The following CSMD1 variants were observed in gnomAD, a reference collection of about 807,000 sequenced individuals.
CSMD1 encodes the protein CUB and Sushi multiple domains 1.
Under a neutral mutation model 417.5 loss-of-function variants are expected in CSMD1, and 213 were observed. That is an observed-to-expected ratio of 0.51 (90% confidence interval 0.46 to 0.57). The LOEUF (loss-of-function observed/expected upper bound fraction) is 0.57, where lower values mean the gene tolerates loss of function less well. Ranked by LOEUF, CSMD1 falls within the 20% of genes least tolerant of loss-of-function variation. The pLI is 0.00. For missense variants in CSMD1, 6,923 were observed against 4,529.7 expected (o/e 1.53, Z -15.17); for synonymous variants, 2,862 against 1,736.8 (o/e 1.65, Z -16.11).
chr8:3,577,641 G>A lies in CSMD1; in HGVS notation c.1223-2575C>T, dbSNP rs144691119. On this transcript the variant is annotated intron_variant, in intron 9 of 69. Transcript: ENST00000635120. ...ATATTAGCATAGCTTCTGAATAGGT[G>A]TAACAGCCTTAAGTCACATAACCTA... Among the ~76,000 whole-genome samples, 542 of 152,272 alleles carry A rather than the reference G, an allele frequency of 3.6e-3. 6 individuals carry two copies. The highest frequency in any genetic ancestry group is 0.014 in the East Asian group (70 of 5,176).
At chr8:3,848,841 G>A (rs1326206335) in intron 5 of CSMD1, among the ~76,000 whole-genome samples, 1 of 151,816 alleles carries the variant, frequency 6.6e-6, no homozygotes, top group Non-Finnish European at 1.5e-5. Context: ...ATGAAAGGAT[G>A]TTTATAAAGC....
intron 3 of CSMD1, among the ~76,000 whole-genome samples, chr8:4,175,785 A>G (rs1257934646): frequency 2.6e-5 from 4 of 152,214 alleles, no homozygotes; most frequent in African/African-American, 4.8e-5. Context: ...CATGAATACT[A>G]TGATGATCAT....
intron 5 of CSMD1, among the ~76,000 whole-genome samples, chr8:3,853,008 C>G (rs958551751): frequency 3.3e-5 from 5 of 152,136 alleles, no homozygotes; most frequent in Non-Finnish European, 5.9e-5. Context: ...GACATCACCT[C>G]GTCCCCAACA....
At chr8:4,529,207 C>T (rs1796672062) in intron 2 of CSMD1, among the ~76,000 whole-genome samples, 1 of 152,144 alleles carries the variant, frequency 6.6e-6, no homozygotes, top group Non-Finnish European at 1.5e-5. Context: ...AAACTCTTAT[C>T]AGGACAATAT....
chr8:3,279,768 G>T (rs544693297), intron 26 of CSMD1, among the ~76,000 whole-genome samples: 1 of 152,094 alleles, frequency 6.6e-6, no homozygotes, highest in Non-Finnish European at 1.5e-5. Context: ...GTGTTAGAAA[G>T]GAGAAGTGCA....
intron 33 of CSMD1, among the ~76,000 whole-genome samples, chr8:3,191,369 T>A (rs546843498): frequency 3.2e-4 from 49 of 152,196 alleles, no homozygotes; most frequent in African/African-American, 7.7e-4. Context: ...GGCAGGATAA[T>A]CGCTTCACCC....
At chr8:3,281,771 T>C (rs1304313896) in intron 26 of CSMD1, among the ~76,000 whole-genome samples, 2 of 152,186 alleles carry the variant, frequency 1.3e-5, no homozygotes, top group Non-Finnish European at 2.9e-5. Flanking sequence ...TCCAAACTCA[T>C]TGATATGGTT....
chr8:4,231,211 C>G (rs1401141238), intron 3 of CSMD1, among the ~76,000 whole-genome samples: 2 of 152,136 alleles, frequency 1.3e-5, no homozygotes, highest in Non-Finnish European at 2.9e-5. Flanking sequence ...AAATGAAAGG[C>G]ATTGTCTTAT....
rs113305310 is a variant in CSMD1, at chr8:4,506,333, G to C, written c.303-86268C>G. Among the ~76,000 whole-genome samples the C allele has an allele frequency of 2.0e-5, 3 of 152,030 alleles. No homozygotes were observed. In the East Asian group the frequency reaches 5.8e-4, roughly 29 times the overall value. On this transcript the variant is annotated intron_variant, in intron 2 of 69. Transcript: ENST00000635120. ...GTACCAGCTACCCACTGAAACCCAC[G>C]GTGGGTTAGACCGTAGCACCCAGAC... is the stretch of plus-strand genomic sequence containing the variant.
At chr8:4,975,386 C>G (rs1810490385) in intron 1 of CSMD1, among the ~76,000 whole-genome samples, 1 of 152,228 alleles carries the variant, frequency 6.6e-6, no homozygotes, top group Non-Finnish European at 1.5e-5. Context: ...ATTCCTTTTA[C>G]TTCCTGGCTG....
chr8:3,108,308 C>T (rs1189036556), intron 44 of CSMD1, among the ~76,000 whole-genome samples: 1 of 152,112 alleles, frequency 6.6e-6, no homozygotes, highest in Non-Finnish European at 1.5e-5. Flanking sequence ...TATCTTGAGA[C>T]AGGGATGAGT....
chr8:4,160,107 T>A lies in CSMD1; in HGVS notation c.416-128008A>T, dbSNP rs926673308. ...ATTTAAAAAAAAAAAGAAAAAGCAC[T>A]GAGGACATTAAAAAATAACGTCTTA... On this transcript the variant is annotated intron_variant, in intron 3 of 69. Coordinates refer to ENST00000635120, the MANE Select transcript of CSMD1 (RefSeq NM_033225.6). Among the ~76,000 whole-genome samples, 10 of 4,434 alleles carry A rather than the reference T, an allele frequency of 2.3e-3. No homozygotes were observed. In the Non-Finnish European group the frequency reaches 0.076, roughly 34 times the overall value. 2.9% of individuals were successfully genotyped at this position (4,434 alleles called of 152,430 possible). A position where few individuals can be genotyped will look rare whatever the true frequency, so the allele number is the denominator to read the frequency against.
chr8:4,983,390 G>A (rs772248226), intron 1 of CSMD1, among the ~76,000 whole-genome samples: 5 of 152,178 alleles, frequency 3.3e-5, no homozygotes, highest in Non-Finnish European at 7.4e-5. Context: ...ATTTATTAAA[G>A]AAACAGTGAA....
chr8:4,364,983 C>T (rs75241520), intron 3 of CSMD1, among the ~76,000 whole-genome samples: 3 of 152,004 alleles, frequency 2.0e-5, no homozygotes, highest in African/African-American at 7.2e-5. Context: ...AAATTTTACT[C>T]GAAAACATTT....
intron 3 of CSMD1, among the ~76,000 whole-genome samples, chr8:4,051,197 TGA>T (rs1316780368): frequency 6.6e-6 from 1 of 151,164 alleles, no homozygotes; most frequent in Non-Finnish European, 1.5e-5. Context: ...GAATCTCTGC[TGA>T]GAGCACAGCC....
chr8:4,047,406 G>A (rs192691756), intron 3 of CSMD1, among the ~76,000 whole-genome samples: 23 of 152,230 alleles, frequency 1.5e-4, no homozygotes, highest in Middle Eastern at 3.4e-3. Context: ...AAATATTGCG[G>A]AAAAAATAAA....
intron 2 of CSMD1, among the ~76,000 whole-genome samples, chr8:4,450,334 A>G (rs1157668557): frequency 1.3e-5 from 2 of 152,130 alleles, no homozygotes; most frequent in Admixed American, 6.5e-5. Flanking sequence ...TGTTTTTTTA[A>G]AGATATTTAG....
intron 5 of CSMD1, among the ~76,000 whole-genome samples, chr8:3,786,630 G>T (rs189462047): frequency 6.6e-6 from 1 of 152,094 alleles, no homozygotes; most frequent in Non-Finnish European, 1.5e-5. Context: ...CTTAAATCTA[G>T]CATCTTAGTT....
intron 1 of CSMD1, among the ~76,000 whole-genome samples, chr8:4,743,667 G>C (rs918908663): frequency 1.3e-5 from 2 of 152,150 alleles, no homozygotes; most frequent in African/African-American, 4.8e-5. Context: ...TGTGAGTTTA[G>C]TTAATTTGAG....
Sources: gnomAD v4.1 joint callset for allele counts (sites outside exome capture counted in the v4.1 genomes callset) on GRCh38, gnomAD v4.1.1 for gene constraint, MANE v1.5 for transcripts, NCBI Gene and HGNC (gene_info 2026-07-23, HGNC 2026-07-21) for gene names.